GLI2: variants seen among roughly 807,000 people sequenced by gnomAD.
GLI2 encodes transcription activator GLI2.
GLI2 carries 22 observed loss-of-function variants against 78.9 expected under a neutral mutation model. That is an observed-to-expected ratio of 0.28 (90% CI 0.20 to 0.40). The LOEUF is 0.40. GLI2 is among the 10% of genes least tolerant of loss of function. GLI2 has a pLI of 1.00. For missense variants in GLI2, 2,097 were observed against 2,213.2 expected, an observed-to-expected ratio of 0.95 and a Z score of 1.05; for synonymous variants, 974 against 963.7, an observed-to-expected ratio of 1.01 and a Z score of -0.20.
chr2:120,738,051 C>G (rs1190561518), intron 1 of GLI2, among the ~76,000 whole-genome samples: 2 of 152,206 alleles, frequency 1.3e-5, no homozygotes, highest in Admixed American at 1.3e-4. Context: ...GGCCTGGGAA[C>G]GGCTTTGCAG....
chr2:120,792,445 C>T (rs1406414462), intron 1 of GLI2: 2 of 152,200 alleles, frequency 1.3e-5, no homozygotes, highest in Admixed American at 6.5e-5. Context: ...CAAGGTCAGC[C>T]GTGGGGGCTA....
At chr2:120,828,328 C>T (rs1686188415) in intron 2 of GLI2, among the ~76,000 whole-genome samples, 1 of 152,250 alleles carries the variant, frequency 6.6e-6, no homozygotes, top group African/African-American at 2.4e-5. Context: ...CTTGTCTGAG[C>T]CCCTGCCCGG....
At chr2:120,887,314 C>G (rs546342330) in intron 2 of GLI2, among the ~76,000 whole-genome samples, 1 of 152,226 alleles carries the variant, frequency 6.6e-6, no homozygotes, top group Non-Finnish European at 1.5e-5. Context: ...AATATTCCCC[C>G]ACAGTGAACC....
Position 120,834,344 on chromosome 2 carries a change from A to G in GLI2, c.148+36876A>G, listed in dbSNP as rs116532673. On this transcript the variant is annotated intron_variant, in intron 2 of 13. Transcript: ENST00000361492. ...GCTGGCAAGGCAGGGCCAGAAGCTT[A>G]GGGTTGGCCGGTTTGAATGATTCTA... Among the ~76,000 whole-genome samples, 361 of 152,288 alleles carry G rather than the reference A, an allele frequency of 2.4e-3. 2 individuals are homozygous for G. Among genetic ancestry groups the G allele is most frequent in the African/African-American group, 8.2e-3 (341 of 41,578 alleles).
intron 2 of GLI2, among the ~76,000 whole-genome samples, chr2:120,811,301 T>G (rs1685227603): frequency 6.6e-6 from 1 of 151,736 alleles, no homozygotes; most frequent in African/African-American, 2.4e-5. Context: ...CAGCAAGGAG[T>G]CCTCTGGTCA....
At chr2:120,977,423 T>G (rs1682506980) in intron 9 of GLI2, among the ~76,000 whole-genome samples, 1 of 152,244 alleles carries the variant, frequency 6.6e-6, no homozygotes, top group South Asian at 2.1e-4. Flanking sequence ...TCTAAGTCTT[T>G]GAAACTGGTG....
At chr2:120,796,217 C>G (rs1016774178) in intron 1 of GLI2, among the ~76,000 whole-genome samples, 4 of 152,172 alleles carry the variant, frequency 2.6e-5, no homozygotes, top group African/African-American at 9.7e-5. Context: ...TTGCTCACAG[C>G]CACTTTCCAT....
At chr2:120,879,967 G>C (rs1463759196) in intron 2 of GLI2, among the ~76,000 whole-genome samples, 1 of 152,206 alleles carries the variant, frequency 6.6e-6, no homozygotes, top group African/African-American at 2.4e-5. Flanking sequence ...ATAGGGAAGT[G>C]TGTATATTTT....
chr2:120,822,400 C>T (rs986882112), intron 2 of GLI2, among the ~76,000 whole-genome samples: 2 of 152,212 alleles, frequency 1.3e-5, no homozygotes, highest in East Asian at 1.9e-4. Flanking sequence ...GGCCCTAAGG[C>T]TCCAGAACCT....
rs5833859 is a variant in GLI2 at position 120,983,946 on chromosome 2, GGTGT to G, written c.1633-495_1633-492del. The stretch of plus-strand genomic sequence containing the variant: ...GTTTTTCTGTAGACGTGGTGTGTGG[GGTGT>G]GTGTGTGTGTGTGTGTGTGTGTGTG... On this transcript the variant is annotated intron_variant, in intron 11 of 13. Transcript: ENST00000361492. Among the ~76,000 whole-genome samples the G allele has an allele frequency of 6.5e-3, 931 of 142,822 alleles. 16 individuals are homozygous for G. In the East Asian group the frequency reaches 0.078, roughly 12 times the overall value. The allele number at this position is 142,822 out of a possible 152,430, so 93.7% of individuals were successfully genotyped here.
intron 3 of GLI2, among the ~76,000 whole-genome samples, chr2:120,950,564 A>G (rs11899735): frequency 0.12 from 18,786 of 152,168 alleles, 3,770 homozygotes; most frequent in African/African-American, 0.42. Flanking sequence ...CCCAATGCAC[A>G]CCTGACTATT....
chr2:120,775,602 A>G (rs1486370822), intron 1 of GLI2, among the ~76,000 whole-genome samples: 1 of 151,982 alleles, frequency 6.6e-6, no homozygotes, highest in African/African-American at 2.4e-5. Flanking sequence ...TAGGGAGAGT[A>G]CCCCCCAGAG....
At chr2:120,766,048 C>T (rs1033007308) in intron 1 of GLI2, among the ~76,000 whole-genome samples, 2 of 152,138 alleles carry the variant, frequency 1.3e-5, no homozygotes. Flanking sequence ...GGAGCTCTTG[C>T]CCAGCTCCCC....
At chr2:120,912,041 G>A (rs1678848923) in intron 2 of GLI2, among the ~76,000 whole-genome samples, 1 of 152,130 alleles carries the variant, frequency 6.6e-6, no homozygotes, top group Non-Finnish European at 1.5e-5. Flanking sequence ...CCCCTACTGA[G>A]GTGTGACTGG....
chr2:120,823,807 T>G (rs1344903946), intron 2 of GLI2, among the ~76,000 whole-genome samples: 2 of 152,126 alleles, frequency 1.3e-5, no homozygotes, highest in Non-Finnish European at 2.9e-5. Context: ...CGTGTGGGAT[T>G]CCGATAGGCC....
At chr2:120,841,419 G>A (rs754808392) in intron 2 of GLI2, among the ~76,000 whole-genome samples, 16 of 152,192 alleles carry the variant, frequency 1.1e-4, no homozygotes, top group Non-Finnish European at 2.2e-4. Context: ...CATCCTGCAC[G>A]CTGCTCTGCT....
At chr2:120,877,395 A>G (rs1688809237) in intron 2 of GLI2, among the ~76,000 whole-genome samples, 1 of 152,232 alleles carries the variant, frequency 6.6e-6, no homozygotes, top group Admixed American at 6.5e-5. Flanking sequence ...ACATAACCGT[A>G]AAGTGCATGC....
chr2:120,854,098 G>A (rs888229571), intron 2 of GLI2, among the ~76,000 whole-genome samples: 1 of 152,144 alleles, frequency 6.6e-6, no homozygotes, highest in African/African-American at 2.4e-5. Flanking sequence ...TCACATTCTG[G>A]TGGAAAAAAA....
intron 2 of GLI2, among the ~76,000 whole-genome samples, chr2:120,904,448 A>T (rs1402425797): frequency 6.6e-6 from 1 of 151,888 alleles, no homozygotes; most frequent in African/African-American, 2.4e-5. Flanking sequence ...GCTTTCTGTG[A>T]CCTCACGAGC....
Sources: allele counts gnomAD v4.1 joint callset (sites outside exome capture counted in the v4.1 genomes callset), GRCh38; gene constraint gnomAD v4.1.1; transcripts MANE v1.5; gene names NCBI Gene and HGNC (gene_info 2026-07-23, HGNC 2026-07-21).